Variants in KIF19 observed in about 807,000 individuals in gnomAD.
KIF19 encodes kinesin family member 19, also known as kinesin-like protein KIF19.
In KIF19, 98 loss-of-function variants were observed where a neutral mutation model predicts 106.6. That is an observed-to-expected ratio of 0.92 (90% CI 0.78 to 1.09). The LOEUF is 1.09. KIF19 is among the 50% of genes least tolerant of loss of function. The pLI is 0.00. For missense variants in KIF19, 1,373 were observed against 1,414.3 expected (o/e 0.97, Z 0.47); for synonymous variants, 516 against 584.2 (o/e 0.88, Z 1.68).
At chr17:74,339,232 G>A (rs535397228) in intron 2 of KIF19, among the ~76,000 whole-genome samples, 26 of 152,022 alleles carry the variant, frequency 1.7e-4, no homozygotes, top group South Asian at 6.2e-4. Flanking sequence ...AAGTGTGTGC[G>A]TGAGAGGCAG....
intron 6 of KIF19, 119 bp downstream of exon 6, chr17:74,344,467 G>A: frequency 2.8e-6 from 4 of 1,449,058 alleles, no homozygotes; most frequent in Non-Finnish European, 3.7e-6. Context: ...GGGACAGACA[G>A]GAGAATCCTG....
intron 2 of KIF19, among the ~76,000 whole-genome samples, chr17:74,333,576 G>A (rs967898229): frequency 7.2e-5 from 11 of 152,190 alleles, no homozygotes; most frequent in Non-Finnish European, 1.6e-4. Flanking sequence ...GGCCAGGCTG[G>A]TCTCGAACTC....
chr17:74,353,798 A>G (rs2054791803), intron 17 of KIF19, among the ~76,000 whole-genome samples: 1 of 152,224 alleles, frequency 6.6e-6, no homozygotes, highest in African/African-American at 2.4e-5. Flanking sequence ...AGATGGGGGC[A>G]GAATCGGAAA....
At chr17:74,345,871 G>A (rs1330367892) in intron 7 of KIF19, among the ~76,000 whole-genome samples, 1 of 152,120 alleles carries the variant, frequency 6.6e-6, no homozygotes, top group East Asian at 1.9e-4. Flanking sequence ...GCTGGTCCCG[G>A]CTTCTCCAGG....
At chr17:74,353,356 A>G in intron 16 of KIF19, 55 bp downstream of exon 16, 2 of 1,485,182 alleles carry the variant, frequency 1.3e-6, no homozygotes, top group East Asian at 2.5e-5. Context: ...GGTGCGGGAC[A>G]TGGGGGTGGA....
intron 17 of KIF19, 24 bp downstream of exon 17, chr17:74,353,605 G>A (rs1414984677): frequency 1.9e-6 from 3 of 1,584,376 alleles, no homozygotes; most frequent in East Asian, 2.2e-5. Context: ...CTGCTGCCCG[G>A]CCACCTCACC....
chr17:74,343,058 C>G lies in KIF19; in HGVS notation c.354C>G (p.Asp118Glu). The change falls in exon 5 of 20, where the codon GAC becomes GAG. Residue 118 changes from aspartate to glutamate, a missense_variant. Physicochemically the swap from Asp to Glu is conservative, Grantham distance 45. Coordinates refer to ENST00000389916, the MANE Select transcript of KIF19 (RefSeq NM_153209.4). ...CGKTYTMLGT[D>E]QEPGIYVQTL... The stretch of plus-strand genomic sequence containing the variant: ...AAACCTACACCATGCTGGGCACAGA[C>G]CAGGAGCCTGGCATCTATGTTCAGA... 6.2e-7 allele frequency: 1 copy of G among 1,612,408 alleles called. No individual in the cohort carries two copies. The highest frequency in any genetic ancestry group is 8.5e-7 in the Non-Finnish European group (1 of 1,179,560).
intron 19 of KIF19, 64 bp from the exon 20 acceptor site, chr17:74,355,118 G>A: frequency 1.3e-6 from 2 of 1,552,506 alleles, no homozygotes; most frequent in South Asian, 1.2e-5. Context: ...AGGCCACTGG[G>A]TGATGGGAGA....
intron 2 of KIF19, among the ~76,000 whole-genome samples, chr17:74,341,318 A>AAAAT (rs762092821): frequency 3.3e-4 from 51 of 152,306 alleles, no homozygotes; most frequent in Non-Finnish European, 5.9e-4. Context: ...CTCCGTCTCA[A>AAAAT]AAATAAATAA....
chr17:74,354,461 CG>C lies in KIF19; in HGVS notation c.2609del (p.Arg870LeufsTer160). On this transcript the variant is annotated frameshift_variant, in exon 18 of 20. Transcript: ENST00000389916. LOFTEE classifies it high-confidence loss of function. ...TGGGGACGGCCCCAGGCCCTGGCTG[CG>C]TGGCCAGAAGAAAAGCCTGGGCAAG... Reference protein sequence around the residue: ...HHGDGPRPWLRGQKKSLGKKR... With the variant: ...HHGDGPRPWLXGQKKSLGKKR... 1 of 1,609,618 alleles carries C rather than the reference CG, an allele frequency of 6.2e-7. No individual in the cohort carries two copies. Among genetic ancestry groups the C allele is most frequent in the Non-Finnish European group, 8.5e-7 (1 of 1,178,482 alleles).
At chr17:74,328,714 G>T (rs2053986907) in intron 2 of KIF19, 2 of 523,288 alleles carry the variant, frequency 3.8e-6, no homozygotes, top group South Asian at 4.5e-5. Flanking sequence ...AGGACAACTG[G>T]GAGCTTCCCT....
rs779010039 is a variant in KIF19 at position 74,352,157 on chromosome 17, G to A, written c.1858+20G>A. On this transcript the variant is annotated intron_variant, in intron 13 of 19. Transcript: ENST00000389916. ...TCGACGGTAGGGCCCACGCCCCCGCGCATCTGAGCCACCCGCGGGGGGGCC... is the reference window on the plus strand; with the variant it reads ...TCGACGGTAGGGCCCACGCCCCCGCACATCTGAGCCACCCGCGGGGGGGCC... The A allele has an allele frequency of 2.7e-5, 43 of 1,582,768 alleles. No homozygotes were observed. The highest frequency in any genetic ancestry group is 3.5e-5 in the Non-Finnish European group (41 of 1,162,054).
rs759931062 is a variant in KIF19, at chr17:74,353,491, C to T, written c.2221-3C>T. ...TCCTCCTCCCAACCACTCCACCCCA[C>T]AGGCCCCGGCTCAGGACAGCCTGGG... is the stretch of plus-strand genomic sequence containing the variant. On this transcript the variant is annotated splice_polypyrimidine_tract_variant and splice_region_variant and intron_variant, in intron 16 of 19. Transcript: ENST00000389916. The T allele has an allele frequency of 3.7e-5, 60 of 1,613,602 alleles. No homozygotes were observed. The highest frequency in any genetic ancestry group is 1.0e-4 in the Admixed American group (6 of 60,006).
At chr17:74,350,613 T>C (rs1484824764) in intron 11 of KIF19, 38 bp downstream of exon 11, 4 of 1,609,166 alleles carry the variant, frequency 2.5e-6, no homozygotes, top group African/African-American at 1.3e-5. Flanking sequence ...GCCCCACCCC[T>C]GTGCCTGGGA....
Position 74,352,127 on chromosome 17 carries a change from GATC to G in KIF19, c.1852_1854del (p.Ile618del), listed in dbSNP as rs2054729186. On this transcript the variant is annotated inframe_deletion, in exon 13 of 20. Transcript: ENST00000389916. Reference sequence around the variant, plus strand: ...ACGAGATTATCCAGGGCCAGCGGCAGATCATCGACGGTAGGGCCCACGCCCCCG... The same window carrying G: ...ACGAGATTATCCAGGGCCAGCGGCAGATCGACGGTAGGGCCCACGCCCCCG... 1 of 1,582,518 alleles carries G rather than the reference GATC, an allele frequency of 6.3e-7. No homozygotes were observed. The highest frequency in any genetic ancestry group is 1.4e-5 in the African/African-American group (1 of 74,072).
In KIF19 at chr17:74,331,938, G is replaced by A. The variant is rs546978044; in HGVS notation, c.120+3433G>A. ...GGAAGGCCAGTGATTCCAGGACCCCGTTCAATTCCATTAGTAGTCACAATG... is the reference window on the plus strand; with the variant it reads ...GGAAGGCCAGTGATTCCAGGACCCCATTCAATTCCATTAGTAGTCACAATG... On this transcript the variant is annotated intron_variant, in intron 2 of 19. Transcript: ENST00000389916. This position sits in a 1 kb window ranked among gnomAD's most constrained non-coding sequence, Gnocchi z 4.1. Among the ~76,000 whole-genome samples the A allele has an allele frequency of 1.3e-5, 2 of 152,216 alleles. No homozygotes were observed. Among genetic ancestry groups the A allele is most frequent in the South Asian group, 2.1e-4 (1 of 4,816 alleles).
chr17:74,352,805 G>C lies in KIF19; in HGVS notation c.1981-16G>C. 6.2e-7 allele frequency: 1 copy of C among 1,613,774 alleles called. No individual in the cohort carries two copies. The highest frequency in any genetic ancestry group is 8.5e-7 in the Non-Finnish European group (1 of 1,179,806). On this transcript the variant is annotated splice_polypyrimidine_tract_variant and intron_variant, in intron 14 of 19. Transcript: ENST00000389916. Reference sequence around the variant, plus strand: ...CCAAATCTTCTAACTGTCCACCCTGGCTCCCTCCTCCCCAGGACAGCTCCT... The same window carrying C: ...CCAAATCTTCTAACTGTCCACCCTGCCTCCCTCCTCCCCAGGACAGCTCCT...
At chr17:74,328,222 G>C (rs1393872737) in intron 1 of KIF19, among the ~76,000 whole-genome samples, 1 of 152,172 alleles carries the variant, frequency 6.6e-6, no homozygotes, top group Non-Finnish European at 1.5e-5. Flanking sequence ...CCGGAGGCCA[G>C]GGCTCCTGGG....
At chr17:74,333,237 G>A (rs1023417115) in intron 2 of KIF19, among the ~76,000 whole-genome samples, 6 of 152,042 alleles carry the variant, frequency 3.9e-5, no homozygotes, top group African/African-American at 1.4e-4. Flanking sequence ...ACCTCTCCCC[G>A]CTTAGCCACC....
Sources: allele counts gnomAD v4.1 joint callset (sites outside exome capture counted in the v4.1 genomes callset), GRCh38; gene constraint gnomAD v4.1.1; non-coding constraint Gnocchi (gnomAD v3.1); transcripts MANE v1.5; gene names NCBI Gene and HGNC (gene_info 2026-07-23, HGNC 2026-07-21).